DAPP1: variants seen among roughly 807,000 people sequenced by gnomAD.
DAPP1 encodes dual adapter for phosphotyrosine and 3-phosphotyrosine and 3-phosphoinositide.
Under a neutral mutation model 41.5 loss-of-function variants are expected in DAPP1, and 20 were observed. That is an observed-to-expected ratio of 0.48 (90% CI 0.34 to 0.70). The LOEUF is 0.70. Ranked by LOEUF, DAPP1 falls within the 30% of genes least tolerant of loss-of-function variation. DAPP1 has a pLI of 0.01. For missense variants in DAPP1, 233 were observed against 333.4 expected (o/e 0.70, Z 2.35); for synonymous variants, 113 against 116.2 (o/e 0.97, Z 0.18).
chr4:99,863,047 A>C lies in DAPP1; in HGVS notation c.575A>C (p.Glu192Ala). Residue 192 changes from glutamate to alanine, a missense_variant, in exon 6 of 9, where the codon GAA becomes GCA. Physicochemically the swap from Glu to Ala is moderately radical, Grantham distance 107. Coordinates refer to ENST00000512369, the MANE Select transcript of DAPP1 (RefSeq NM_014395.3). ...KTRWFTLHRN[E>A]LKYFKDQMSP... ...AGATGGTTTACTCTGCACAGGAATG[A>C]ACTGAAATACTTCAAAGACCAGATG... 1 of 1,590,178 alleles carries C rather than the reference A, an allele frequency of 6.3e-7. No individual in the cohort carries two copies. Among genetic ancestry groups the C allele is most frequent in the African/African-American group, 1.4e-5 (1 of 73,520 alleles).
rs761406508 is a variant in DAPP1 at position 99,863,887 on chromosome 4, A to G, written c.686+32A>G. 3.6e-6 allele frequency: 5 copies of G among 1,398,684 alleles called. No homozygotes were observed. In the East Asian group the frequency reaches 1.2e-4, roughly 34 times the overall value. The allele number at this position is 1,398,684 out of a possible 1,614,324, so 86.6% of individuals were successfully genotyped here. A position where few individuals can be genotyped will look rare whatever the true frequency, so the allele number is the denominator to read the frequency against. On this transcript the variant is annotated intron_variant, in intron 7 of 8. Coordinates refer to ENST00000512369, the MANE Select transcript of DAPP1 (RefSeq NM_014395.3). ...TGTTTTATAAAGAAAACGTTTTTTA[A>G]TGTCTTCTTGCCAGACACTTATTTT...
chr4:99,834,411 G>T (rs1723225949), intron 1 of DAPP1, among the ~76,000 whole-genome samples: 1 of 151,636 alleles, frequency 6.6e-6, no homozygotes, highest in South Asian at 2.1e-4. Flanking sequence ...TTTTACCATA[G>T]ATATATATTA....
At chr4:99,860,900 AG>A (rs1724214987) in intron 4 of DAPP1, among the ~76,000 whole-genome samples, 1 of 152,222 alleles carries the variant, frequency 6.6e-6, no homozygotes, top group Non-Finnish European at 1.5e-5. Context: ...TATATTTCGT[AG>A]GTGTTAGCTA....
At chr4:99,860,577 G>A (rs920983422) in intron 4 of DAPP1, among the ~76,000 whole-genome samples, 1 of 152,132 alleles carries the variant, frequency 6.6e-6, no homozygotes, top group Non-Finnish European at 1.5e-5. Context: ...GATTTTAAAA[G>A]AAGTGTTTGC....
rs912539350 is a variant in DAPP1 at position 99,868,253 on chromosome 4, C to T, written c.*68C>T. The stretch of plus-strand genomic sequence containing the variant: ...AATGTTTCCCTGACGCTGTGATCTG[C>T]AGCAGGCTTCAAATGAAAACCGACT... On this transcript the variant is annotated 3_prime_UTR_variant, in exon 9 of 9. Transcript: ENST00000512369. The T allele has an allele frequency of 7.4e-7, 1 of 1,357,356 alleles. No homozygotes were observed. The highest frequency in any genetic ancestry group is 1.4e-5 in the African/African-American group (1 of 69,532). 84.1% of individuals were successfully genotyped at this position (1,357,356 alleles called of 1,614,324 possible). A position where few individuals can be genotyped will look rare whatever the true frequency, so the allele number is the denominator to read the frequency against.
At chr4:99,848,869 G>A (rs948701170) in intron 3 of DAPP1, among the ~76,000 whole-genome samples, 10 of 152,162 alleles carry the variant, frequency 6.6e-5, no homozygotes, top group Non-Finnish European at 1.5e-4. Flanking sequence ...TTCGAGGGCC[G>A]GGCCAGGTCT....
chr4:99,819,276 A>G (rs926275870), intron 1 of DAPP1, among the ~76,000 whole-genome samples: 3 of 152,196 alleles, frequency 2.0e-5, no homozygotes, highest in Admixed American at 6.5e-5. Context: ...AGCATACTCA[A>G]CAGTGTGCTG....
chr4:99,855,211 C>A (rs993266718), intron 4 of DAPP1, among the ~76,000 whole-genome samples: 7 of 152,102 alleles, frequency 4.6e-5, no homozygotes, highest in South Asian at 2.1e-4. Flanking sequence ...CTTTACCCAC[C>A]CTTACCCTTA....
chr4:99,848,510 T>A (rs1266981944), intron 3 of DAPP1, among the ~76,000 whole-genome samples: 1 of 152,134 alleles, frequency 6.6e-6, no homozygotes, highest in African/African-American at 2.4e-5. Flanking sequence ...ATTACAGGCA[T>A]GGGCCACCGC....
rs74368072 is a variant in DAPP1 at position 99,833,619 on chromosome 4, T to A, written c.102-2004T>A. ...AGCTTTTTTACACTATACACACCTCTTTAATAGCATTTAGTTCATCACACT... is the reference window on the plus strand; with the variant it reads ...AGCTTTTTTACACTATACACACCTCATTAATAGCATTTAGTTCATCACACT... On this transcript the variant is annotated intron_variant, in intron 1 of 8. Transcript: ENST00000512369. Among the ~76,000 whole-genome samples, 908 of 152,326 alleles carry A rather than the reference T, an allele frequency of 6.0e-3. 5 individuals are homozygous for A. Among genetic ancestry groups the A allele is most frequent in the Non-Finnish European group, 9.0e-3 (611 of 68,026 alleles).
chr4:99,866,764 C>CTTT, intron 8 of DAPP1: 5 of 416,004 alleles, frequency 1.2e-5, no homozygotes, highest in South Asian at 3.7e-5. Flanking sequence ...TTCTTTTTTT[C>CTTT]TATTTTTTTT....
intron 1 of DAPP1, among the ~76,000 whole-genome samples, chr4:99,818,700 G>T (rs963899886): frequency 6.6e-6 from 1 of 152,078 alleles, no homozygotes; most frequent in African/African-American, 2.4e-5. Flanking sequence ...AAAAAAAAAG[G>T]GTACATTCAT....
At chr4:99,829,593 T>C (rs186909955) in intron 1 of DAPP1, among the ~76,000 whole-genome samples, 35 of 152,292 alleles carry the variant, frequency 2.3e-4, no homozygotes, top group South Asian at 6.2e-4. Flanking sequence ...GTAAAAATTG[T>C]TGGAGCAGAT....
At chr4:99,846,868 G>A (rs571614862) in intron 3 of DAPP1, among the ~76,000 whole-genome samples, 1 of 152,272 alleles carries the variant, frequency 6.6e-6, no homozygotes, top group Non-Finnish European at 1.5e-5. Flanking sequence ...ACATGTAAAT[G>A]AACAAGGCTT....
chr4:99,850,189 C>G (rs1049551935), intron 3 of DAPP1, among the ~76,000 whole-genome samples: 1 of 152,210 alleles, frequency 6.6e-6, no homozygotes, highest in Non-Finnish European at 1.5e-5. Context: ...GCGGGTGGAT[C>G]ACCTGAGGTC....
intron 4 of DAPP1, 137 bp from the exon 5 acceptor site, chr4:99,861,441 G>A: frequency 1.1e-6 from 1 of 891,146 alleles, no homozygotes; most frequent in Non-Finnish European, 1.7e-6. Flanking sequence ...AGCTTTTCAA[G>A]TGCCTAGGTG....
chr4:99,853,271 A>ATT lies in DAPP1; in HGVS notation c.414_415dup (p.Tyr139PhefsTer56). On this transcript the variant is annotated frameshift_variant, in exon 4 of 9. Transcript: ENST00000512369. LOFTEE classifies it high-confidence loss of function. The stretch of plus-strand genomic sequence containing the variant: ...CCCAAGAAAAGTGGAAGAACCCTCC[A>ATT]TTTATGAATCTGTCCGGGTTCACAC... 1 of 1,613,908 alleles carries ATT rather than the reference A, an allele frequency of 6.2e-7. No individual in the cohort carries two copies. Among genetic ancestry groups the ATT allele is most frequent in the Non-Finnish European group, 8.5e-7 (1 of 1,179,834 alleles).
At chr4:99,858,914 C>T (rs1724141497) in intron 4 of DAPP1, among the ~76,000 whole-genome samples, 1 of 150,770 alleles carries the variant, frequency 6.6e-6, no homozygotes, top group Non-Finnish European at 1.5e-5. Flanking sequence ...TTTTTGGAGA[C>T]AGTGTGTCAC....
chr4:99,824,058 C>T (rs1319472626), intron 1 of DAPP1, among the ~76,000 whole-genome samples: 1 of 152,116 alleles, frequency 6.6e-6, no homozygotes, highest in Non-Finnish European at 1.5e-5. Context: ...TGTTACTGCT[C>T]CTAGAGTTCT....
Sources: allele counts gnomAD v4.1 joint callset (sites outside exome capture counted in the v4.1 genomes callset), GRCh38; gene constraint gnomAD v4.1.1; transcripts MANE v1.5; gene names NCBI Gene and HGNC (gene_info 2026-07-23, HGNC 2026-07-21).